STPG1: variants seen among roughly 807,000 people sequenced by gnomAD.
STPG1 encodes sperm tail PG-rich repeat containing 1.
STPG1 carries 33 observed loss-of-function variants against 40.1 expected under a neutral mutation model. The observed-to-expected ratio is 0.82, with a 90% CI of 0.62 to 1.10. The LOEUF (loss-of-function observed/expected upper bound fraction) is 1.10, where lower values mean the gene tolerates loss of function less well. STPG1 is among the 50% of genes least tolerant of loss of function. The probability of loss-of-function intolerance (pLI) is 0.00; values close to 1 mark genes in which losing one functional copy is unlikely to be tolerated. For synonymous variants in STPG1, 150 were observed against 155.0 expected (o/e 0.97, Z 0.24); for missense variants, 396 against 415.1 (o/e 0.95, Z 0.40).
chr1:24,397,215 A>G (rs7529526), intron 2 of STPG1, among the ~76,000 whole-genome samples: 55,301 of 152,016 alleles, frequency 0.36, 10,211 homozygotes, highest in East Asian at 0.47. Flanking sequence ...GCGAGAAAAA[A>G]TAGAAAATTT....
intron 4 of STPG1, among the ~76,000 whole-genome samples, chr1:24,382,460 G>T (rs1266276786): frequency 6.6e-6 from 1 of 152,198 alleles, no homozygotes; most frequent in Admixed American, 6.5e-5. Flanking sequence ...TGAGGCAACT[G>T]GGACACAGAA....
rs1449643793 is a variant in STPG1, at chr1:24,373,937, A to T, written c.463-127T>A. 3 of 685,414 alleles carry T rather than the reference A, an allele frequency of 4.4e-6. No homozygotes were observed. In the East Asian group the frequency reaches 7.6e-5, roughly 17 times the overall value. 42.5% of individuals were successfully genotyped at this position (685,414 alleles called of 1,614,324 possible). A position where few individuals can be genotyped will look rare whatever the true frequency, so the allele number is the denominator to read the frequency against. ...CGAAACCTGTCCTTCTTAGCAAATG[A>T]ACAGATGTGAGCTGTAAACGTCACA... On this transcript the variant is annotated intron_variant, in intron 5 of 8. Transcript: ENST00000337248.
intron 5 of STPG1, 23 bp from the exon 6 acceptor site, chr1:24,373,833 A>T (rs1223063589): frequency 6.7e-7 from 1 of 1,501,672 alleles, no homozygotes; most frequent in South Asian, 1.1e-5. Context: ...AATACACCCA[A>T]TGTACTCAGT....
Position 24,373,817 on chromosome 1 carries a change from G to A in STPG1, c.463-7C>T, listed in dbSNP as rs987374204. The stretch of plus-strand genomic sequence containing the variant: ...TGCAGCAAGAGACAGAGGCCTAGGG[G>A]GAGAAAATACACCCAATGTACTCAG... On this transcript the variant is annotated splice_polypyrimidine_tract_variant and splice_region_variant and intron_variant, in intron 5 of 8. Coordinates refer to ENST00000337248, the MANE Select transcript of STPG1 (RefSeq NM_001199013.2). The A allele has an allele frequency of 1.3e-6, 2 of 1,589,760 alleles. No individual in the cohort carries two copies.
intron 1 of STPG1, among the ~76,000 whole-genome samples, chr1:24,412,217 C>A (rs959604849): frequency 1.3e-5 from 2 of 152,234 alleles, no homozygotes; most frequent in Non-Finnish European, 2.9e-5. Context: ...CGTGCCCCAC[C>A]ACCTAAAGAC....
chr1:24,366,198 C>T (rs1444572577), intron 7 of STPG1, among the ~76,000 whole-genome samples: 3 of 152,188 alleles, frequency 2.0e-5, no homozygotes, highest in Non-Finnish European at 2.9e-5. Context: ...CTGCATGGCA[C>T]GCGTGTGTTC....
intron 8 of STPG1, 100 bp downstream of exon 8, chr1:24,360,751 T>C (rs1314938086): frequency 1.8e-6 from 2 of 1,086,018 alleles, no homozygotes; most frequent in Non-Finnish European, 1.3e-6. Flanking sequence ...TGTAACCTAT[T>C]TGGGAAACAA....
At chr1:24,364,983 C>T (rs910793538) in intron 7 of STPG1, among the ~76,000 whole-genome samples, 1 of 152,196 alleles carries the variant, frequency 6.6e-6, no homozygotes, top group Non-Finnish European at 1.5e-5. Flanking sequence ...CCCAGGCACA[C>T]ATTCACTCGC....
intron 6 of STPG1, among the ~76,000 whole-genome samples, chr1:24,370,594 C>T (rs1641691844): frequency 6.6e-6 from 1 of 152,142 alleles, no homozygotes; most frequent in African/African-American, 2.4e-5. Flanking sequence ...CAGGTTCACG[C>T]CATTCTCCTG....
At chr1:24,365,935 T>C (rs371478273) in intron 7 of STPG1, among the ~76,000 whole-genome samples, 8 of 152,286 alleles carry the variant, frequency 5.3e-5, no homozygotes, top group African/African-American at 1.4e-4. Context: ...TCAGGGGACG[T>C]GATCAGCCGT....
intron 7 of STPG1, among the ~76,000 whole-genome samples, chr1:24,361,533 A>G (rs1486358381): frequency 4.6e-5 from 7 of 152,100 alleles, no homozygotes; most frequent in Non-Finnish European, 1.5e-5. Flanking sequence ...GAAGCATCCC[A>G]CATTCCACAG....
At chr1:24,400,205 T>A (rs1184076171) in intron 2 of STPG1, among the ~76,000 whole-genome samples, 1 of 152,224 alleles carries the variant, frequency 6.6e-6, no homozygotes, top group East Asian at 1.9e-4. Flanking sequence ...TACTCATAGA[T>A]AAGACAAACC....
At chr1:24,409,809 G>A (rs1297269712) in intron 1 of STPG1, among the ~76,000 whole-genome samples, 1 of 152,170 alleles carries the variant, frequency 6.6e-6, no homozygotes, top group Non-Finnish European at 1.5e-5. Flanking sequence ...CAGTGCTTGT[G>A]TTCAAGTAAC....
Position 24,359,855 on chromosome 1 carries a change from C to T in STPG1, c.928+996G>A, listed in dbSNP as rs571425950. 2.0e-5 allele frequency among the ~76,000 whole-genome samples: 3 copies of T among 152,288 alleles called. No homozygotes were observed. The East Asian group carries it at 5.8e-4, about 29-fold the overall frequency. On this transcript the variant is annotated intron_variant, in intron 8 of 8. Coordinates refer to ENST00000337248, the MANE Select transcript of STPG1 (RefSeq NM_001199013.2). The surrounding 1 kb of genome is among the most constrained non-coding windows in gnomAD (Gnocchi z 5.3). ...CAAATAGGTCAGGAAGCACAGAGGC[C>T]GCCCACTGGACTGAGTCCCTCATGA...
At chr1:24,384,873 C>T (rs1398323136) in intron 3 of STPG1, among the ~76,000 whole-genome samples, 2 of 152,148 alleles carry the variant, frequency 1.3e-5, no homozygotes, top group African/African-American at 4.8e-5. Context: ...ATGAATTTGC[C>T]CAAGGTCCCG....
chr1:24,384,470 T>TA (rs1217289872), intron 3 of STPG1, among the ~76,000 whole-genome samples: 1 of 152,114 alleles, frequency 6.6e-6, no homozygotes, highest in African/African-American at 2.4e-5. Flanking sequence ...TGTTTCTGTT[T>TA]ATAAAGCAAA....
intron 1 of STPG1, among the ~76,000 whole-genome samples, 170 bp from the exon 2 acceptor site, chr1:24,401,626 A>C (rs1643232190): frequency 6.6e-6 from 1 of 152,260 alleles, no homozygotes; most frequent in Non-Finnish European, 1.5e-5. Context: ...TGCTGCCTGC[A>C]GTAGGAACTG....
chr1:24,360,901 T>C lies in STPG1; in HGVS notation c.878A>G (p.Asn293Ser), dbSNP rs1436153535. Residue 293 changes from asparagine to serine, a missense_variant, in exon 8 of 9, where the codon AAT becomes AGT. Coordinates refer to ENST00000337248, the MANE Select transcript of STPG1 (RefSeq NM_001199013.2). ...CGGCGCCGCTGTCCACCGGCTGGTA[T>C]TGGACACGAATGATGCACTAGAGAT... ...HFISSASFVS[N>S]TSRWTAAPPQ... is the part of the protein sequence containing the mutation. The C allele has an allele frequency of 1.4e-5, 23 of 1,613,682 alleles. No homozygotes were observed. In the Admixed American group the frequency reaches 2.7e-4, roughly 19 times the overall value.
At chr1:24,395,428 A>ATTTTTTTTTTTTTTTTT (rs71577706) in intron 2 of STPG1, among the ~76,000 whole-genome samples, 2 of 128,076 alleles carry the variant, frequency 1.6e-5, no homozygotes, top group African/African-American at 6.0e-5. Context: ...AAATTGAACA[A>ATTTTTTTTTTTTTTTTT]TTTTTTTTTT....
Sources: gnomAD v4.1 joint callset for allele counts (sites outside exome capture counted in the v4.1 genomes callset) on GRCh38, gnomAD v4.1.1 for gene constraint, Gnocchi (gnomAD v3.1) non-coding constraint, MANE v1.5 for transcripts, NCBI Gene and HGNC (gene_info 2026-07-23, HGNC 2026-07-21) for gene names.